SLC9A9: variants seen among roughly 807,000 people sequenced by gnomAD.
The protein encoded by SLC9A9 is sodium/hydrogen exchanger 9.
In SLC9A9, 62 loss-of-function variants were observed where a neutral mutation model predicts 77.8. That is an observed-to-expected ratio of 0.80 (90% confidence interval 0.65 to 0.98). SLC9A9 has a LOEUF of 0.98. Among genes scored for constraint, SLC9A9 ranks in the 50% least tolerant of loss-of-function variants. The probability of loss-of-function intolerance (pLI) is 0.00; values close to 1 mark genes in which losing one functional copy is unlikely to be tolerated. For missense variants in SLC9A9, 775 were observed against 774.9 expected (o/e 1.00, Z 0.00); for synonymous variants, 320 against 283.5 (o/e 1.13, Z -1.29).
At chr3:143,329,067 T>G (rs1485603188) in intron 14 of SLC9A9, among the ~76,000 whole-genome samples, 1 of 152,198 alleles carries the variant, frequency 6.6e-6, no homozygotes, top group Non-Finnish European at 1.5e-5. Context: ...ACGACCAACT[T>G]TTAATAATCT....
At chr3:143,767,390 G>GTGTA (rs2007358878) in intron 4 of SLC9A9, among the ~76,000 whole-genome samples, 1 of 151,674 alleles carries the variant, frequency 6.6e-6, no homozygotes, top group African/African-American at 2.4e-5. Flanking sequence ...GTGTGTGTGT[G>GTGTA]TGTGTGTGTG....
intron 12 of SLC9A9, among the ~76,000 whole-genome samples, chr3:143,406,325 A>G (rs2033978793): frequency 6.6e-6 from 1 of 152,002 alleles, no homozygotes; most frequent in African/African-American, 2.4e-5. Flanking sequence ...GATCCAGTGG[A>G]CTGTTTTTGA....
intron 12 of SLC9A9, among the ~76,000 whole-genome samples, chr3:143,423,248 T>TACACACACACACACACACAC (rs377276883): frequency 2.1e-5 from 3 of 143,836 alleles, no homozygotes; most frequent in African/African-American, 7.7e-5. Context: ...CACGCGCGTG[T>TACACACACACACACACACAC]ACACACACAC....
intron 6 of SLC9A9, among the ~76,000 whole-genome samples, chr3:143,624,734 C>G (rs1305256658): frequency 6.6e-6 from 1 of 152,216 alleles, no homozygotes; most frequent in African/African-American, 2.4e-5. Context: ...CTTACCACTC[C>G]TATTCAACAG....
intron 9 of SLC9A9, among the ~76,000 whole-genome samples, chr3:143,498,579 TGAAA>T (rs970409975): frequency 2.7e-5 from 4 of 149,670 alleles, no homozygotes; most frequent in Admixed American, 6.7e-5. Context: ...TAAGAAAGAA[TGAAA>T]GAAAGAGAGA....
chr3:143,385,534 C>A (rs1354900628), intron 12 of SLC9A9, among the ~76,000 whole-genome samples: 1 of 152,202 alleles, frequency 6.6e-6, no homozygotes, highest in Non-Finnish European at 1.5e-5. Context: ...TTCAAGAAAG[C>A]AAGTCAGAAT....
intron 9 of SLC9A9, among the ~76,000 whole-genome samples, chr3:143,527,472 A>T (rs1335103961): frequency 6.6e-6 from 1 of 152,230 alleles, no homozygotes; most frequent in East Asian, 1.9e-4. Context: ...TTTTTCACTT[A>T]CTTGACTAGT....
At chr3:143,523,902 G>A (rs2036359952) in intron 9 of SLC9A9, among the ~76,000 whole-genome samples, 2 of 152,060 alleles carry the variant, frequency 1.3e-5, no homozygotes, top group Non-Finnish European at 2.9e-5. Context: ...TATATAAAAC[G>A]AAGAAAGATT....
intron 4 of SLC9A9, among the ~76,000 whole-genome samples, chr3:143,696,368 T>C (rs1933640705): frequency 1.3e-5 from 2 of 152,190 alleles, no homozygotes; most frequent in Admixed American, 1.3e-4. Context: ...GGCTCCATGC[T>C]AAAGGCACAA....
chr3:143,612,727 T>A (rs796576114), intron 6 of SLC9A9, among the ~76,000 whole-genome samples: 4 of 152,364 alleles, frequency 2.6e-5, no homozygotes, highest in African/African-American at 9.6e-5. Flanking sequence ...CCAAGCTACA[T>A]TTTCATACAT....
chr3:143,479,174 T>G (rs2035531272), intron 11 of SLC9A9, among the ~76,000 whole-genome samples: 1 of 152,242 alleles, frequency 6.6e-6, no homozygotes, highest in Admixed American at 6.5e-5. Context: ...AATTTATATG[T>G]GTGAACTTGT....
At chr3:143,417,046 A>G (rs1262851082) in intron 12 of SLC9A9, among the ~76,000 whole-genome samples, 1 of 152,124 alleles carries the variant, frequency 6.6e-6, no homozygotes, top group African/African-American at 2.4e-5. Flanking sequence ...ATAGGAGAAC[A>G]TACTGGTATG....
At chr3:143,321,195 A>G (rs2031408066) in intron 14 of SLC9A9, among the ~76,000 whole-genome samples, 1 of 152,198 alleles carries the variant, frequency 6.6e-6, no homozygotes, top group Non-Finnish European at 1.5e-5. Flanking sequence ...TAATGCCTGA[A>G]GGTTATCACA....
intron 14 of SLC9A9, among the ~76,000 whole-genome samples, chr3:143,306,010 G>T (rs1460904726): frequency 1.3e-5 from 2 of 151,946 alleles, no homozygotes; most frequent in Admixed American, 1.3e-4. Flanking sequence ...ATGAACATTT[G>T]ATTTTTTCCC....
At chr3:143,623,670 C>G (rs886571140) in intron 6 of SLC9A9, among the ~76,000 whole-genome samples, 2 of 152,008 alleles carry the variant, frequency 1.3e-5, no homozygotes, top group Admixed American at 6.5e-5. Context: ...CAGGAAAGAT[C>G]TAAAATTGAC....
At position 143,265,716 on chromosome 3, in the gene SLC9A9, T is replaced by G. The variant is rs1466495848; in HGVS notation, c.*986A>C. ...AAGGGGGAGACCTGAGGCCCTGTCC[T>G]TGGCTCCTCAGTGTAACCCACACAT... On this transcript the variant is annotated 3_prime_UTR_variant, in exon 16 of 16. Transcript: ENST00000316549. The G allele has an allele frequency of 2.3e-6, 1 of 427,238 alleles. No individual in the cohort carries two copies. Among genetic ancestry groups the G allele is most frequent in the East Asian group, 3.5e-5 (1 of 28,822 alleles). 26.5% of individuals were successfully genotyped at this position (427,238 alleles called of 1,614,324 possible). A position where few individuals can be genotyped will look rare whatever the true frequency, so the allele number is the denominator to read the frequency against.
intron 8 of SLC9A9, among the ~76,000 whole-genome samples, chr3:143,572,014 T>C (rs1309202661): frequency 1.3e-5 from 2 of 152,082 alleles, no homozygotes; most frequent in African/African-American, 4.8e-5. Context: ...CGGGGGTGAG[T>C]CTGCCCCTCG....
chr3:143,800,308 A>AGCCTGTTATCACTT (rs1200937662), intron 2 of SLC9A9, among the ~76,000 whole-genome samples: 110 of 152,308 alleles, frequency 7.2e-4, no homozygotes, highest in African/African-American at 2.6e-3. Context: ...AAAGGAGTAA[A>AGCCTGTTATCACTT]GCCTGTTATC....
At chr3:143,470,272 A>G (rs1415353172) in intron 11 of SLC9A9, among the ~76,000 whole-genome samples, 5 of 152,030 alleles carry the variant, frequency 3.3e-5, no homozygotes, top group Non-Finnish European at 7.4e-5. Context: ...TGAGGTCAGG[A>G]ATTTGAGACC....
Sources: allele counts gnomAD v4.1 joint callset (sites outside exome capture counted in the v4.1 genomes callset), GRCh38; gene constraint gnomAD v4.1.1; transcripts MANE v1.5; gene names NCBI Gene and HGNC (gene_info 2026-07-23, HGNC 2026-07-21).